MRE11: variants seen among roughly 807,000 people sequenced by gnomAD.
MRE11 encodes MRE11 double strand break repair nuclease, also known as double-strand break repair protein MRE11.
Under a neutral mutation model 91.7 loss-of-function variants are expected in MRE11, and 62 were observed. The observed-to-expected ratio is 0.68, with a 90% CI of 0.55 to 0.84. MRE11 has a LOEUF of 0.84. MRE11 is among the 40% of genes least tolerant of loss of function. MRE11 has a pLI of 0.00. For missense variants in MRE11, 796 were observed against 852.9 expected (o/e 0.93, Z 0.83); for synonymous variants, 273 against 271.4 (o/e 1.01, Z -0.06).
chr11:94,483,206 C>T (rs1347026888), intron 4 of MRE11, among the ~76,000 whole-genome samples: 1 of 152,122 alleles, frequency 6.6e-6, no homozygotes, highest in Non-Finnish European at 1.5e-5. Flanking sequence ...GGCATGGTGG[C>T]TCACAAGTGT....
chr11:94,433,203 C>CAG (rs1945511534), intron 18 of MRE11, among the ~76,000 whole-genome samples: 1 of 152,238 alleles, frequency 6.6e-6, no homozygotes, highest in African/African-American at 2.4e-5. Flanking sequence ...TTAGCTCAGA[C>CAG]TACCTGCAGC....
chr11:94,483,533 CTCTT>C (rs1230652878), intron 4 of MRE11, among the ~76,000 whole-genome samples: 1 of 152,238 alleles, frequency 6.6e-6, no homozygotes, highest in African/African-American at 2.4e-5. Context: ...CACAACCTCT[CTCTT>C]TGCCTGCCAT....
upstream of MRE11, chr11:94,498,445 T>C (rs749169445): frequency 2.5e-6 from 4 of 1,613,934 alleles, no homozygotes; most frequent in Admixed American, 5.0e-5. Flanking sequence ...TGGAAGAAAC[T>C]GCATTTGATA....
chr11:94,512,373 C>T, the MRE11 span: 1 of 668,004 alleles, frequency 1.5e-6, no homozygotes, highest in African/African-American at 1.9e-5. Flanking sequence ...TCAGCACCTT[C>T]TTTGGTGCGC....
intron 10 of MRE11, among the ~76,000 whole-genome samples, chr11:94,465,547 C>G (rs560790951): frequency 1.9e-4 from 29 of 152,094 alleles, no homozygotes; most frequent in African/African-American, 7.0e-4. Context: ...AGGCATGCAC[C>G]ACCATACCTG....
chr11:94,497,698 T>C (rs1947435374), upstream of MRE11: 1 of 184,982 alleles, frequency 5.4e-6, no homozygotes, highest in African/African-American at 2.4e-5. Flanking sequence ...GTGATAATCC[T>C]ACAGAAAAAT....
chr11:94,460,340 G>A (rs1228807697), intron 12 of MRE11, among the ~76,000 whole-genome samples: 1 of 152,184 alleles, frequency 6.6e-6, no homozygotes, highest in Non-Finnish European at 1.5e-5. Flanking sequence ...TACAACCGGA[G>A]GATCTTAGAG....
At chr11:94,439,291 C>A (rs1395641896) in intron 16 of MRE11, among the ~76,000 whole-genome samples, 5 of 151,810 alleles carry the variant, frequency 3.3e-5, no homozygotes, top group African/African-American at 7.3e-5. Context: ...TAAAAAAAAA[C>A]CCACCAAATC....
At chr11:94,501,182 G>A in the MRE11 span, among the ~76,000 whole-genome samples, 1 of 152,180 alleles carries the variant, frequency 6.6e-6, no homozygotes. Flanking sequence ...AGGATTAAGT[G>A]TAGCTGATTG....
chr11:94,496,085 G>C (rs1329242891), upstream of MRE11, among the ~76,000 whole-genome samples: 1 of 152,132 alleles, frequency 6.6e-6, no homozygotes, highest in Admixed American at 6.5e-5. Flanking sequence ...AGTAGAAATA[G>C]GATAATTAGT....
Position 94,419,465 on chromosome 11 carries a change from G to GGGGAGAGAGGGAGAGAGAGAGA in MRE11, c.*659_*660insTCTCTCTCTCTCCCTCTCTCCC, listed in dbSNP as rs373002609. 4 of 216,370 alleles carry GGGGAGAGAGGGAGAGAGAGAGA rather than the reference G, an allele frequency of 1.8e-5. No homozygotes were observed. Among genetic ancestry groups the GGGGAGAGAGGGAGAGAGAGAGA allele is most frequent in the Non-Finnish European group, 3.5e-5 (4 of 112,948 alleles). The allele number at this position is 216,370 out of a possible 1,614,324, so 13.4% of individuals were successfully genotyped here. On this transcript the variant is annotated 3_prime_UTR_variant, in exon 20 of 20. Coordinates refer to ENST00000323929, the MANE Select transcript of MRE11 (RefSeq NM_005591.4). ...GAAGAGTGGGGAACGGGGGGGAGAG[G>GGGGAGAGAGGGAGAGAGAGAGA]GAGAGAGAGAGAGAGAGAGAGAGAG... is the stretch of plus-strand genomic sequence containing the variant.
At chr11:94,444,410 TCTTTTG>T (rs1366347873) in intron 16 of MRE11, among the ~76,000 whole-genome samples, 19 of 145,264 alleles carry the variant, frequency 1.3e-4, no homozygotes, top group African/African-American at 4.3e-4. Flanking sequence ...CGTTCTGTTT[TCTTTTG>T]TTTTAGGCTT....
chr11:94,420,824 A>T (rs1945150618), intron 19 of MRE11, among the ~76,000 whole-genome samples: 1 of 152,282 alleles, frequency 6.6e-6, no homozygotes, highest in Admixed American at 6.5e-5. Context: ...CGAGGTCAGG[A>T]GATCGAGACC....
At position 94,476,658 on chromosome 11, in the gene MRE11, A is replaced by G. The variant is rs180910402; in HGVS notation, c.545-255T>C. On this transcript the variant is annotated intron_variant, in intron 6 of 19. Transcript: ENST00000323929. ...TGGGCTCAAGCAATCCTCTCGCCTC[A>G]GCCTCCCAAAGTGCTGGGATTACAA... Among the ~76,000 whole-genome samples, 8 of 152,026 alleles carry G rather than the reference A, an allele frequency of 5.3e-5. No homozygotes were observed. The East Asian group carries it at 1.5e-3, about 29-fold the overall frequency.
At chr11:94,461,313 G>A (rs1295952517) in intron 11 of MRE11, among the ~76,000 whole-genome samples, 2 of 152,160 alleles carry the variant, frequency 1.3e-5, no homozygotes, top group Non-Finnish European at 2.9e-5. Context: ...GACCCATTCA[G>A]GGAGTAATAA....
chr11:94,441,903 G>A (rs376447763), intron 16 of MRE11, among the ~76,000 whole-genome samples: 2 of 149,966 alleles, frequency 1.3e-5, no homozygotes, highest in African/African-American at 2.5e-5. Context: ...TTTGAACCCC[G>A]GGAGGCAGAG....
At chr11:94,476,675 G>A (rs1946868164) in intron 6 of MRE11, among the ~76,000 whole-genome samples, 1 of 151,520 alleles carries the variant, frequency 6.6e-6, no homozygotes, top group African/African-American at 2.4e-5. Context: ...CAAAGTGCTG[G>A]GATTACAAGC....
At chr11:94,444,933 A>G (rs1244675531) in intron 16 of MRE11, among the ~76,000 whole-genome samples, 1 of 152,300 alleles carries the variant, frequency 6.6e-6, no homozygotes, top group East Asian at 1.9e-4. Flanking sequence ...GGTAGAAAAA[A>G]GTATCACCAC....
upstream of MRE11, chr11:94,498,509 A>G: frequency 6.2e-7 from 1 of 1,613,220 alleles, no homozygotes; most frequent in Non-Finnish European, 8.5e-7. Context: ...GGAAGGCTGT[A>G]CAAATTCTTC....
Sources: gnomAD v4.1 joint callset for allele counts (sites outside exome capture counted in the v4.1 genomes callset) on GRCh38, gnomAD v4.1.1 for gene constraint, MANE v1.5 for transcripts, NCBI Gene and HGNC (gene_info 2026-07-23, HGNC 2026-07-21) for gene names.